Variants in ANOS1 observed in about 807,000 individuals in gnomAD.
ANOS1 encodes anosmin 1.
Under a neutral mutation model 59.0 loss-of-function variants are expected in ANOS1, and 6 were observed. The observed-to-expected ratio is 0.10, with a 90% CI of 0.06 to 0.20. ANOS1 has a LOEUF of 0.20. ANOS1 is among the 10% of genes least tolerant of loss of function. The probability of loss-of-function intolerance (pLI) is 1.00; values close to 1 mark genes in which losing one functional copy is unlikely to be tolerated. For synonymous variants in ANOS1, 217 were observed against 223.4 expected, an observed-to-expected ratio of 0.97 and a Z score of 0.25; for missense variants, 433 against 542.3, an observed-to-expected ratio of 0.80 and a Z score of 2.00.
chrX:8,567,826 C>CAAAACAA (rs1007157150), intron 8 of ANOS1, among the ~76,000 whole-genome samples: 12 of 110,719 alleles, frequency 1.1e-4, no homozygotes, highest in African/African-American at 3.7e-4. Flanking sequence ...CAAAACAAAA[C>CAAAACAA]AACAACAACA....
chrX:8,665,136 G>A (rs762002712), intron 2 of ANOS1, among the ~76,000 whole-genome samples: 26 of 111,699 alleles, frequency 2.3e-4, no homozygotes, highest in Admixed American at 1.4e-3. Context: ...CTCATCCAAC[G>A]GACGCAGCAG....
intron 1 of ANOS1, among the ~76,000 whole-genome samples, chrX:8,713,722 C>T (rs781623148): frequency 2.5e-4 from 27 of 110,203 alleles, no homozygotes; most frequent in Non-Finnish European, 4.5e-4. Context: ...AAGTGATTCT[C>T]CTGCCTCAGC....
rs763659170 is a variant in ANOS1 at position 8,531,072 on chromosome X, C to T, written c.*1923G>A. ...GTGATAAATCCATCCCAGCTTGTGA[C>T]AGGAGCTGCAGTGAACCATTCAGAA... On this transcript the variant is annotated 3_prime_UTR_variant, in exon 14 of 14. Transcript: ENST00000262648. 1.1e-5 allele frequency: 1 copy of T among 91,731 alleles called. No homozygotes were observed. Among genetic ancestry groups the T allele is most frequent in the South Asian group, 5.2e-4 (1 of 1,938 alleles). The allele number at this position is 91,731 out of a possible 1,213,427, so 7.6% of individuals were successfully genotyped here.
chrX:8,698,539 T>C (rs1251652203), intron 2 of ANOS1, among the ~76,000 whole-genome samples: 1 of 112,190 alleles, frequency 8.9e-6, no homozygotes, highest in Non-Finnish European at 1.9e-5. Flanking sequence ...GAAAAAGTTA[T>C]CTAAAATTCC....
intron 2 of ANOS1, among the ~76,000 whole-genome samples, chrX:8,650,440 T>C (rs752906806): frequency 8.9e-6 from 1 of 112,140 alleles, no homozygotes; most frequent in South Asian, 3.7e-4. Flanking sequence ...GTTGAAGATA[T>C]CCTACTATAA....
chrX:8,549,277 C>T (rs778247287), intron 9 of ANOS1, among the ~76,000 whole-genome samples: 1 of 112,325 alleles, frequency 8.9e-6, no homozygotes, highest in Non-Finnish European at 1.9e-5. Context: ...CAAAGTAATA[C>T]GTGTGTATAT....
At chrX:8,650,612 G>A (rs1269004709) in intron 2 of ANOS1, among the ~76,000 whole-genome samples, 2 of 112,039 alleles carry the variant, frequency 1.8e-5, no homozygotes, top group Non-Finnish European at 3.8e-5. Flanking sequence ...CAGCTACTCA[G>A]GAAGCTGAGG....
At chrX:8,566,619 A>G (rs1192695685) in intron 8 of ANOS1, among the ~76,000 whole-genome samples, 1 of 111,335 alleles carries the variant, frequency 9.0e-6, no homozygotes, top group Non-Finnish European at 1.9e-5. Context: ...GGGTAGATGG[A>G]TGAATGGATT....
intron 1 of ANOS1, among the ~76,000 whole-genome samples, chrX:8,716,504 A>C (rs1419851994): frequency 1.8e-5 from 2 of 112,162 alleles, no homozygotes; most frequent in African/African-American, 6.5e-5. Context: ...TCACAGCATC[A>C]GTTTTGATTC....
intron 2 of ANOS1, among the ~76,000 whole-genome samples, chrX:8,663,249 C>A (rs1932071131): frequency 9.0e-6 from 1 of 111,232 alleles, no homozygotes; most frequent in East Asian, 2.8e-4. Flanking sequence ...GCAGCCTGAG[C>A]AAACTGATAA....
intron 2 of ANOS1, among the ~76,000 whole-genome samples, chrX:8,638,684 A>G (rs985631953): frequency 1.8e-5 from 2 of 112,222 alleles, no homozygotes; most frequent in African/African-American, 6.5e-5. Flanking sequence ...GTGGGATGAG[A>G]GAAGAGTATG....
chrX:8,625,060 G>T (rs1049903155), intron 2 of ANOS1, among the ~76,000 whole-genome samples: 2 of 110,689 alleles, frequency 1.8e-5, no homozygotes, highest in Admixed American at 1.9e-4. Context: ...AGTGAGCCGA[G>T]ATCGGGCCAC....
intron 10 of ANOS1, among the ~76,000 whole-genome samples, 198 bp from the exon 11 acceptor site, chrX:8,537,140 C>T (rs182454341): frequency 9.0e-6 from 1 of 111,666 alleles, no homozygotes; most frequent in Non-Finnish European, 1.9e-5. Context: ...CCCATGGCTG[C>T]GGGATATGCC....
intron 2 of ANOS1, among the ~76,000 whole-genome samples, chrX:8,623,924 C>T (rs1380290133): frequency 1.8e-5 from 2 of 109,392 alleles, no homozygotes; most frequent in African/African-American, 6.7e-5. Context: ...CAGTGACTTA[C>T]AGGAAAAGTA....
chrX:8,695,013 TA>T (rs1378815550), intron 2 of ANOS1, among the ~76,000 whole-genome samples: 1 of 111,567 alleles, frequency 9.0e-6, no homozygotes, highest in Non-Finnish European at 1.9e-5. Flanking sequence ...ATAGATTTGA[TA>T]TATTTTAAAA....
At chrX:8,682,073 C>T (rs1252551927) in intron 2 of ANOS1, among the ~76,000 whole-genome samples, 2 of 111,047 alleles carry the variant, frequency 1.8e-5, no homozygotes, top group African/African-American at 6.6e-5. Context: ...ACGAACCCTT[C>T]GCAAGCACGG....
chrX:8,667,195 G>C (rs147258450), intron 2 of ANOS1, among the ~76,000 whole-genome samples: 1 of 111,510 alleles, frequency 9.0e-6, no homozygotes, highest in Non-Finnish European at 1.9e-5. Context: ...TCTAAAAAGT[G>C]GAGGAATTGA....
At chrX:8,544,865 G>A (rs1929742227) in intron 9 of ANOS1, among the ~76,000 whole-genome samples, 1 of 109,252 alleles carries the variant, frequency 9.2e-6, no homozygotes, top group Admixed American at 9.8e-5. Flanking sequence ...TTGGGAGTTC[G>A]AGACCGGCCT....
At chrX:8,615,087 C>T (rs73199042) in intron 3 of ANOS1, among the ~76,000 whole-genome samples, 6,903 of 110,235 alleles carry the variant, frequency 0.063, 212 homozygotes, top group Admixed American at 0.12. Context: ...TCCCCTAAGT[C>T]GAAAAGAAGA....
Sources: gnomAD v4.1 joint callset for allele counts (sites outside exome capture counted in the v4.1 genomes callset) on GRCh38, gnomAD v4.1.1 for gene constraint, MANE v1.5 for transcripts, NCBI Gene and HGNC (gene_info 2026-07-23, HGNC 2026-07-21) for gene names.